Variants in ZBTB20 observed in about 807,000 individuals in gnomAD.
ZBTB20 encodes the protein zinc finger and BTB domain-containing protein 20.
ZBTB20 carries 9 observed loss-of-function variants against 56.9 expected under a neutral mutation model. The observed-to-expected ratio is 0.16, with a 90% CI of 0.10 to 0.28. The LOEUF is 0.28. ZBTB20 is among the 10% of genes least tolerant of loss of function. The pLI, the probability that ZBTB20 is intolerant of heterozygous loss-of-function variation, is 1.00. For missense variants in ZBTB20, 655 were observed against 1,003.0 expected (o/e 0.65, Z 4.69); for synonymous variants, 417 against 420.7 (o/e 0.99, Z 0.11).
intron 7 of ZBTB20, among the ~76,000 whole-genome samples, chr3:114,460,610 C>T (rs2092287759): frequency 6.6e-6 from 1 of 152,134 alleles, no homozygotes; most frequent in African/African-American, 2.4e-5. Context: ...CTAAAAGGAA[C>T]CAGCCCTCCC....
intron 4 of ZBTB20, among the ~76,000 whole-genome samples, chr3:114,828,469 GA>G (rs1190672138): frequency 2.0e-5 from 3 of 151,694 alleles, no homozygotes; most frequent in Admixed American, 2.0e-4. Context: ...GTTTTTAAGA[GA>G]AAATGAAACA....
At chr3:115,025,688 C>T (rs993849835) in intron 2 of ZBTB20, among the ~76,000 whole-genome samples, 1 of 150,528 alleles carries the variant, frequency 6.6e-6, no homozygotes, top group Non-Finnish European at 1.5e-5. Flanking sequence ...TGGGATTCCT[C>T]CCCTGTAAAA....
intron 4 of ZBTB20, among the ~76,000 whole-genome samples, chr3:114,826,928 C>A (rs1266823423): frequency 1.3e-5 from 2 of 151,498 alleles, no homozygotes; most frequent in African/African-American, 2.4e-5. Context: ...GGATATTGAA[C>A]AAGGTATGTA....
intron 7 of ZBTB20, among the ~76,000 whole-genome samples, chr3:114,393,209 G>A (rs3957585): frequency 0.45 from 67,997 of 152,114 alleles, 15,410 homozygotes; most frequent in African/African-American, 0.51. Context: ...AGGCTGGACA[G>A]ATTATTGACA....
At chr3:114,903,964 A>C (rs2075226250) in intron 3 of ZBTB20, among the ~76,000 whole-genome samples, 1 of 151,874 alleles carries the variant, frequency 6.6e-6, no homozygotes, top group South Asian at 2.1e-4. Context: ...TCTAGTCCTT[A>C]TTTGTGTTTT....
chr3:114,706,496 G>A (rs902468321), intron 5 of ZBTB20, among the ~76,000 whole-genome samples: 3 of 152,098 alleles, frequency 2.0e-5, no homozygotes, highest in Non-Finnish European at 4.4e-5. Context: ...TTCAGTGGAC[G>A]ATTTTAAAGC....
chr3:114,584,374 G>C (rs2054960438), intron 6 of ZBTB20, among the ~76,000 whole-genome samples: 1 of 152,078 alleles, frequency 6.6e-6, no homozygotes, highest in Non-Finnish European at 1.5e-5. Context: ...AATCATTATG[G>C]AAATCCTATT....
chr3:114,748,352 T>TGTTTTCTC (rs374192570), intron 5 of ZBTB20, among the ~76,000 whole-genome samples: 1 of 48,578 alleles, frequency 2.1e-5, no homozygotes, highest in African/African-American at 5.7e-5. Flanking sequence ...TTTCTTTCTT[T>TGTTTTCTC]TCTCTCTCTC....
In ZBTB20 at chr3:114,315,775, C is replaced by G. The variant is rs1366927749; in HGVS notation, c.*23230G>C. The G allele has an allele frequency of 6.6e-6, 1 of 152,216 alleles. No individual in the cohort carries two copies. Among genetic ancestry groups the G allele is most frequent in the Admixed American group, 6.5e-5 (1 of 15,276 alleles). The allele number at this position is 152,216 out of a possible 1,614,324, so 9.4% of individuals were successfully genotyped here. ...TTTCAGCAGTCACCACAGTAAACTT[C>G]ATTGAGAACATACATGCCCAGATAT... On this transcript the variant is annotated 3_prime_UTR_variant, in exon 12 of 12. Coordinates refer to ENST00000675478, the MANE Select transcript of ZBTB20 (RefSeq NM_001348800.3).
At chr3:114,831,359 G>A (rs1343361653) in intron 4 of ZBTB20, among the ~76,000 whole-genome samples, 1 of 151,670 alleles carries the variant, frequency 6.6e-6, no homozygotes, top group East Asian at 1.9e-4. Context: ...GATTTCCTTG[G>A]TGAATATATT....
intron 7 of ZBTB20, among the ~76,000 whole-genome samples, chr3:114,484,412 TTAA>T (rs1418770628): frequency 1.3e-5 from 2 of 152,174 alleles, no homozygotes; most frequent in African/African-American, 4.8e-5. Flanking sequence ...TCGCTAGCTG[TTAA>T]TAATCAAGAG....
rs142303970 is a variant in ZBTB20, at chr3:114,497,903, A to G, written c.-255+2449T>C. 1.2e-3 allele frequency among the ~76,000 whole-genome samples: 182 copies of G among 152,328 alleles called. 2 individuals are homozygous for G. In the East Asian group the frequency reaches 0.022, roughly 18 times the overall value. On this transcript the variant is annotated intron_variant, in intron 7 of 11. Transcript: ENST00000675478. ...TAAGCATAGTAGGAGCCCATTAGCAATCTAATGAAGGCAGAAGATCCCAGC... is the reference window on the plus strand; with the variant it reads ...TAAGCATAGTAGGAGCCCATTAGCAGTCTAATGAAGGCAGAAGATCCCAGC...
rs139235773 is a variant in ZBTB20, at chr3:114,622,657, T to C, written c.-295+70871A>G. On this transcript the variant is annotated intron_variant, in intron 6 of 11. Transcript: ENST00000675478. ...GGTTAAGAATCTGAAGCACTCAGTA[T>C]AGCAAACAAAATTCCAAAGCTGAGT... 3.5e-3 allele frequency among the ~76,000 whole-genome samples: 539 copies of C among 152,310 alleles called. 2 individuals carry two copies. The highest frequency in any genetic ancestry group is 0.014 in the Middle Eastern group (4 of 294).
intron 7 of ZBTB20, among the ~76,000 whole-genome samples, chr3:114,469,458 A>G (rs1441988590): frequency 6.6e-6 from 1 of 152,200 alleles, no homozygotes; most frequent in African/African-American, 2.4e-5. Flanking sequence ...ATATCTAATG[A>G]TAATTTCCCT....
Position 115,139,488 on chromosome 3 carries a change from C to T in ZBTB20, c.-703+7731G>A, listed in dbSNP as rs996571125. Among the ~76,000 whole-genome samples the T allele has an allele frequency of 7.9e-5, 12 of 151,890 alleles. 1 individual carries two copies. Among genetic ancestry groups the T allele is most frequent in the Admixed American group, 7.9e-4 (12 of 15,258 alleles). On this transcript the variant is annotated intron_variant, in intron 1 of 11. Coordinates refer to ENST00000675478, the MANE Select transcript of ZBTB20 (RefSeq NM_001348800.3). ...TTCTTTCCTAGTCAGATTTCTTTGC[C>T]TACCTTATCTTCCTTCCTATGTAAA... is the stretch of plus-strand genomic sequence containing the variant.
intron 4 of ZBTB20, among the ~76,000 whole-genome samples, chr3:114,893,534 T>C (rs1440632907): frequency 6.6e-6 from 1 of 152,178 alleles, no homozygotes; most frequent in African/African-American, 2.4e-5. Context: ...CCTTGCTCTT[T>C]AGTGTGAATA....
At chr3:114,790,641 C>T (rs1001949065) in intron 5 of ZBTB20, among the ~76,000 whole-genome samples, 14 of 150,418 alleles carry the variant, frequency 9.3e-5, no homozygotes, top group African/African-American at 3.2e-4. Flanking sequence ...TAAATTTTTA[C>T]ACAGGATGCT....
chr3:115,092,008 T>C (rs1480280028), intron 1 of ZBTB20, among the ~76,000 whole-genome samples: 1 of 152,080 alleles, frequency 6.6e-6, no homozygotes, highest in African/African-American at 2.4e-5. Context: ...TAAGTGAGTA[T>C]CTCTGACAAT....
chr3:114,389,914 T>G (rs2085657425), intron 7 of ZBTB20, among the ~76,000 whole-genome samples: 1 of 146,950 alleles, frequency 6.8e-6, no homozygotes, highest in African/African-American at 2.5e-5. Flanking sequence ...AAAAAAGAAT[T>G]ACCTCATGTA....
Sources: allele counts gnomAD v4.1 joint callset (sites outside exome capture counted in the v4.1 genomes callset), GRCh38; gene constraint gnomAD v4.1.1; transcripts MANE v1.5; gene names NCBI Gene and HGNC (gene_info 2026-07-23, HGNC 2026-07-21).